Variants in ELP4 observed in about 807,000 individuals in gnomAD.
The protein encoded by ELP4 is elongator complex protein 4.
A neutral mutation model predicts 48.9 loss-of-function variants in ELP4; 51 were observed. The ratio of observed to expected loss-of-function variants is 1.04; its 90% CI spans 0.83 to 1.32. The LOEUF (loss-of-function observed/expected upper bound fraction) is 1.32. Ranked by LOEUF, ELP4 falls within the 40% of genes most tolerant of loss-of-function variation. ELP4 has a pLI of 0.00. For missense variants in ELP4, 519 were observed against 514.6 expected (o/e 1.01, Z -0.08); for synonymous variants, 210 against 189.2 (o/e 1.11, Z -0.90).
chr11:31,594,983 T>C lies in ELP4; in HGVS notation c.513+82T>C, dbSNP rs528029620. 2.8e-5 allele frequency: 32 copies of C among 1,134,758 alleles called. No individual in the cohort carries two copies. In the African/African-American group the frequency reaches 3.8e-4, roughly 13 times the overall value. 70.3% of individuals were successfully genotyped at this position (1,134,758 alleles called of 1,614,324 possible). ...CAGAATCTCTTGTGGTATGCCTATA[T>C]GTGTATTTGTTTATTTAAAGAATTA... On this transcript the variant is annotated intron_variant, in intron 4 of 9. Coordinates refer to ENST00000640961, the MANE Select transcript of ELP4 (RefSeq NM_019040.5).
At chr11:31,732,613 A>G (rs1947216881) in intron 9 of ELP4, among the ~76,000 whole-genome samples, 1 of 152,228 alleles carries the variant, frequency 6.6e-6, no homozygotes. Flanking sequence ...CAAAAGACAC[A>G]GAGTGGCTGA....
intron 1 of ELP4, among the ~76,000 whole-genome samples, chr11:31,512,969 G>C (rs1956037900): frequency 6.6e-6 from 1 of 152,038 alleles, no homozygotes; most frequent in African/African-American, 2.4e-5. Context: ...ATAGTGAAGG[G>C]AATGTCAGAT....
chr11:31,710,474 A>T (rs2134170584), intron 9 of ELP4, among the ~76,000 whole-genome samples: 1 of 152,250 alleles, frequency 6.6e-6, no homozygotes, highest in South Asian at 2.1e-4. Context: ...AAAATACAAA[A>T]ATCAGCCAGG....
At chr11:31,686,287 AC>A (rs1946157930) in intron 9 of ELP4, among the ~76,000 whole-genome samples, 3 of 148,128 alleles carry the variant, frequency 2.0e-5, no homozygotes, top group Non-Finnish European at 4.5e-5. Flanking sequence ...TCTAGATTCT[AC>A]CTGTACCATA....
chr11:31,560,163 A>AC (rs1956994387), intron 3 of ELP4, among the ~76,000 whole-genome samples: 1 of 152,028 alleles, frequency 6.6e-6, no homozygotes, highest in Non-Finnish European at 1.5e-5. Context: ...ACTGATCTGG[A>AC]CCCCTTAAAT....
chr11:31,541,594 C>A (rs1397119471), intron 3 of ELP4: 1 of 152,052 alleles, frequency 6.6e-6, no homozygotes, highest in Non-Finnish European at 1.5e-5. Flanking sequence ...AGCAGAAATG[C>A]CTGTATATGC....
At chr11:31,679,588 A>G (rs1225411473) in intron 9 of ELP4, among the ~76,000 whole-genome samples, 5 of 152,168 alleles carry the variant, frequency 3.3e-5, no homozygotes, top group Non-Finnish European at 7.4e-5. Flanking sequence ...GACACACCCT[A>G]AAGACATCAT....
At chr11:31,604,766 C>A (rs974045581) in intron 5 of ELP4, among the ~76,000 whole-genome samples, 1 of 151,846 alleles carries the variant, frequency 6.6e-6, no homozygotes, top group Non-Finnish European at 1.5e-5. Flanking sequence ...CTACTGTACT[C>A]ATGCTTATTA....
At chr11:31,549,589 G>A (rs866033983) in intron 3 of ELP4, among the ~76,000 whole-genome samples, 12 of 151,942 alleles carry the variant, frequency 7.9e-5, no homozygotes, top group Non-Finnish European at 5.9e-5. Context: ...TGATTCCTCA[G>A]GGATCTAGAA....
intron 9 of ELP4, chr11:31,727,814 A>G (rs1947107166): frequency 6.6e-6 from 1 of 152,234 alleles, no homozygotes; most frequent in Non-Finnish European, 1.5e-5. Context: ...TTGATGACAG[A>G]AAGAGCATGT....
intron 9 of ELP4, chr11:31,662,864 A>T (rs964090760): frequency 3.6e-6 from 1 of 277,790 alleles, no homozygotes; most frequent in African/African-American, 2.2e-5. Context: ...ATTGGAAGGG[A>T]GCTTAAAGTG....
chr11:31,756,187 G>T (rs774515955), intron 9 of ELP4, among the ~76,000 whole-genome samples: 1 of 152,136 alleles, frequency 6.6e-6, no homozygotes, highest in Admixed American at 6.5e-5. Context: ...CCTGCTTCCA[G>T]TGTTGCCCAG....
chr11:31,548,565 G>A (rs902414990), intron 3 of ELP4, among the ~76,000 whole-genome samples: 2 of 152,150 alleles, frequency 1.3e-5, no homozygotes, highest in African/African-American at 4.8e-5. Context: ...ACTGCCCAAG[G>A]TAATTTATAG....
At chr11:31,681,529 A>C (rs78312115) in intron 9 of ELP4, among the ~76,000 whole-genome samples, 62 of 152,254 alleles carry the variant, frequency 4.1e-4, no homozygotes, top group African/African-American at 1.4e-3. Flanking sequence ...AAATATCCTA[A>C]GTGTAATAAA....
At chr11:31,691,554 C>T (rs1946281607) in intron 9 of ELP4, among the ~76,000 whole-genome samples, 1 of 152,008 alleles carries the variant, frequency 6.6e-6, no homozygotes, top group African/African-American at 2.4e-5. Flanking sequence ...ATCATTTTCT[C>T]ATTTATAAAG....
chr11:31,549,491 G>A (rs1268760719), intron 3 of ELP4, among the ~76,000 whole-genome samples: 3 of 151,594 alleles, frequency 2.0e-5, no homozygotes, highest in African/African-American at 4.8e-5. Context: ...GAAACAACAG[G>A]TGCTGGAGAG....
At chr11:31,705,489 G>A (rs1164863775) in intron 9 of ELP4, among the ~76,000 whole-genome samples, 3 of 152,154 alleles carry the variant, frequency 2.0e-5, no homozygotes, top group Non-Finnish European at 4.4e-5. Flanking sequence ...TTGTTGCTAG[G>A]AACTTTGGAT....
intron 9 of ELP4, chr11:31,767,435 A>ATTC (rs1948065293): frequency 6.6e-6 from 1 of 152,034 alleles, no homozygotes; most frequent in African/African-American, 2.4e-5. Context: ...GGTGGGGGGA[A>ATTC]ATCCCCCACA....
chr11:31,705,924 C>T (rs1946621475), intron 9 of ELP4, among the ~76,000 whole-genome samples: 1 of 152,096 alleles, frequency 6.6e-6, no homozygotes, highest in Admixed American at 6.6e-5. Flanking sequence ...ACAAGTATAG[C>T]TCACTGTAAC....
Sources: allele counts gnomAD v4.1 joint callset (sites outside exome capture counted in the v4.1 genomes callset), GRCh38; gene constraint gnomAD v4.1.1; transcripts MANE v1.5; gene names NCBI Gene and HGNC (gene_info 2026-07-23, HGNC 2026-07-21).